Variants in TASP1 observed in about 807,000 individuals in gnomAD.
The protein encoded by TASP1 is threonine aspartase 1.
TASP1 carries 16 observed loss-of-function variants against 56.6 expected under a neutral mutation model. The observed-to-expected ratio is 0.28, with a 90% CI of 0.19 to 0.43. The LOEUF (loss-of-function observed/expected upper bound fraction) is 0.43. Among genes scored for constraint, TASP1 ranks in the 20% least tolerant of loss-of-function variants. The pLI, the probability that TASP1 is intolerant of heterozygous loss-of-function variation, is 1.00. For missense variants in TASP1, 393 were observed against 511.6 expected (o/e 0.77, Z 2.24); for synonymous variants, 179 against 184.2 (o/e 0.97, Z 0.23).
downstream of TASP1, among the ~76,000 whole-genome samples, chr20:13,384,582 T>C (rs1198999315): frequency 1.3e-5 from 2 of 152,154 alleles, no homozygotes; most frequent in Non-Finnish European, 2.9e-5. Context: ...CTTGCGGACT[T>C]GAATGCAAAT....
At chr20:13,469,812 T>TTTTTTTTTTTTTTTG in intron 11 of TASP1, among the ~76,000 whole-genome samples, 1 of 124,818 alleles carries the variant, frequency 8.0e-6, no homozygotes, top group Non-Finnish European at 1.7e-5. Context: ...TTTTTTTTTT[T>TTTTTTTTTTTTTTTG]TTTTTTTTTT....
chr20:13,312,355 G>A, the TASP1 span, among the ~76,000 whole-genome samples: 12 of 152,130 alleles, frequency 7.9e-5, no homozygotes, highest in African/African-American at 2.4e-4. Context: ...AAATGTCGTG[G>A]GTGAGACATC....
At chr20:13,615,378 A>C (rs2048485509) in intron 4 of TASP1, among the ~76,000 whole-genome samples, 3 of 152,236 alleles carry the variant, frequency 2.0e-5, no homozygotes, top group Admixed American at 2.0e-4. Context: ...CAAATGTCTA[A>C]GATTCAGCTT....
At chr20:13,248,936 G>T in the TASP1 span, among the ~76,000 whole-genome samples, 3 of 152,204 alleles carry the variant, frequency 2.0e-5, no homozygotes, top group African/African-American at 4.8e-5. Context: ...GAAAATACTG[G>T]TAGAAAGTGC....
At chr20:13,195,506 T>C in the TASP1 span, among the ~76,000 whole-genome samples, 1 of 152,156 alleles carries the variant, frequency 6.6e-6, no homozygotes. Flanking sequence ...GCTTCCGAGA[T>C]GGGATCATTC....
the TASP1 span, among the ~76,000 whole-genome samples, chr20:13,256,793 T>C: frequency 6.6e-6 from 1 of 152,190 alleles, no homozygotes; most frequent in African/African-American, 2.4e-5. Context: ...TTCTCATCTG[T>C]ACAATGGGGG....
the TASP1 span, among the ~76,000 whole-genome samples, chr20:13,193,438 G>A: frequency 1.6e-4 from 24 of 152,028 alleles, no homozygotes; most frequent in African/African-American, 5.8e-4. Flanking sequence ...AGAAAAAAAA[G>A]GACTAAGTCA....
rs768902356 is a variant in TASP1, at chr20:13,569,541, T to G, written c.534A>C (p.Gly178=). 2.5e-6 allele frequency: 4 copies of G among 1,612,516 alleles called. No individual in the cohort carries two copies. The African/African-American group carries it at 5.3e-5, about 22-fold the overall frequency. The change falls in exon 7 of 14, where the codon GGA becomes GGC. Residue 178 remains glycine (G), a synonymous_variant. Coordinates refer to ENST00000337743, the MANE Select transcript of TASP1 (RefSeq NM_017714.3). ...TGATGTTAGGAGGGCAAGAGGGTAT[T>G]CCATGATCTACTGCCCATCTGTAGG... ...EGAYRWAVDH[G]IPSCPPNIMT...
chr20:13,499,524 C>T (rs956455362), intron 10 of TASP1, among the ~76,000 whole-genome samples: 4 of 151,612 alleles, frequency 2.6e-5, no homozygotes, highest in Non-Finnish European at 5.9e-5. Context: ...CTGTTAGTTA[C>T]TTCACCCAGT....
chr20:13,377,791 T>C, the TASP1 span, among the ~76,000 whole-genome samples: 2 of 152,206 alleles, frequency 1.3e-5, no homozygotes, highest in African/African-American at 4.8e-5. Context: ...TTCTTCCTGG[T>C]GTAGTCTTGG....
intron 10 of TASP1, among the ~76,000 whole-genome samples, chr20:13,497,185 C>T (rs1002996467): frequency 1.3e-5 from 2 of 152,068 alleles, no homozygotes; most frequent in Admixed American, 1.3e-4. Context: ...AGTTCTTTGG[C>T]AAGTGAAAAG....
the TASP1 span, among the ~76,000 whole-genome samples, chr20:13,113,794 G>T: frequency 3.3e-5 from 5 of 152,204 alleles, no homozygotes. Flanking sequence ...TTCAGTCTAA[G>T]AAGTTGCAAC....
At chr20:13,237,475 G>A in the TASP1 span, among the ~76,000 whole-genome samples, 4 of 152,280 alleles carry the variant, frequency 2.6e-5, no homozygotes, top group African/African-American at 9.6e-5. Flanking sequence ...TAAAGTACAT[G>A]CTGGATAATT....
intron 13 of TASP1, among the ~76,000 whole-genome samples, chr20:13,412,000 T>C (rs2042108740): frequency 6.6e-6 from 1 of 152,238 alleles, no homozygotes; most frequent in Non-Finnish European, 1.5e-5. Context: ...AGGACCACTA[T>C]GCTTCCGAGT....
At chr20:13,419,835 C>T (rs1318660711) in intron 12 of TASP1, among the ~76,000 whole-genome samples, 6 of 152,204 alleles carry the variant, frequency 3.9e-5, no homozygotes, top group Non-Finnish European at 7.3e-5. Context: ...GCTCAACAGA[C>T]GCTCCACTGA....
intron 4 of TASP1, among the ~76,000 whole-genome samples, chr20:13,596,307 G>T (rs1178739385): frequency 4.0e-5 from 6 of 151,622 alleles, no homozygotes; most frequent in Non-Finnish European, 8.8e-5. Context: ...CCCAGGAGGC[G>T]GAGGTTGCAG....
chr20:13,285,361 C>T, the TASP1 span, among the ~76,000 whole-genome samples: 1 of 152,154 alleles, frequency 6.6e-6, no homozygotes, highest in Non-Finnish European at 1.5e-5. Flanking sequence ...GAGTTCTCTC[C>T]CTCACAAGTC....
the TASP1 span, among the ~76,000 whole-genome samples, chr20:13,110,958 G>C: frequency 6.6e-6 from 1 of 151,858 alleles, no homozygotes; most frequent in Non-Finnish European, 1.5e-5. Flanking sequence ...CTTGAGGATA[G>C]ACATAGGATT....
chr20:13,414,692 A>G (rs2042197556), intron 13 of TASP1, among the ~76,000 whole-genome samples: 1 of 152,286 alleles, frequency 6.6e-6, no homozygotes, highest in African/African-American at 2.4e-5. Flanking sequence ...GGATACGGAC[A>G]ATCTGTTTTT....
Sources: allele counts gnomAD v4.1 joint callset (sites outside exome capture counted in the v4.1 genomes callset), GRCh38; gene constraint gnomAD v4.1.1; transcripts MANE v1.5; gene names NCBI Gene and HGNC (gene_info 2026-07-23, HGNC 2026-07-21).